KLHL29: variants seen among roughly 807,000 people sequenced by gnomAD.
KLHL29 encodes the protein kelch like family member 29, also known as kelch-like protein 29.
Under a neutral mutation model 80.4 loss-of-function variants are expected in KLHL29, and 21 were observed. The observed-to-expected ratio is 0.26, with a 90% CI of 0.19 to 0.38. The LOEUF (loss-of-function observed/expected upper bound fraction) is 0.38, where lower values mean the gene tolerates loss of function less well. Ranked by LOEUF, KLHL29 falls within the 10% of genes least tolerant of loss-of-function variation. The pLI, the probability that KLHL29 is intolerant of heterozygous loss-of-function variation, is 1.00. For synonymous variants in KLHL29, 511 were observed against 526.8 expected (o/e 0.97, Z 0.41); for missense variants, 867 against 1,223.9 (o/e 0.71, Z 4.35).
intron 2 of KLHL29, among the ~76,000 whole-genome samples, chr2:23,522,585 C>T (rs1317678187): frequency 6.6e-6 from 1 of 151,336 alleles, no homozygotes; most frequent in Non-Finnish European, 1.5e-5. Flanking sequence ...AAGCTTTTTG[C>T]AGGTTGGAGA....
Position 23,647,953 on chromosome 2 carries a change from C to T in KLHL29, c.940+5103C>T, listed in dbSNP as rs895005301. ...CCAGCACTCAGAGATGCCCCAGAAGCGTCTGATGAATGTGGGCACAAAGCA... is the reference window on the plus strand; with the variant it reads ...CCAGCACTCAGAGATGCCCCAGAAGTGTCTGATGAATGTGGGCACAAAGCA... On this transcript the variant is annotated intron_variant, in intron 5 of 13. Transcript: ENST00000486442. This position sits in a 1 kb window ranked among gnomAD's most constrained non-coding sequence, Gnocchi z 4.9. Among the ~76,000 whole-genome samples the T allele has an allele frequency of 6.6e-6, 1 of 152,126 alleles. No homozygotes were observed. Among genetic ancestry groups the T allele is most frequent in the Non-Finnish European group, 1.5e-5 (1 of 68,036 alleles).
At chr2:23,690,197 C>G (rs1294408954) in intron 6 of KLHL29, 1 of 152,246 alleles carries the variant, frequency 6.6e-6, no homozygotes, top group Non-Finnish European at 1.5e-5. Flanking sequence ...GGTGGAATTT[C>G]AGGTACTGCC....
chr2:23,400,593 C>T (rs901421872), intron 1 of KLHL29, among the ~76,000 whole-genome samples: 8 of 152,016 alleles, frequency 5.3e-5, no homozygotes, highest in Admixed American at 4.6e-4. Context: ...CTTTGGGAGG[C>T]CAAGGTGGGA....
Position 23,695,891 on chromosome 2 carries a change from A to G in KLHL29, c.1742-60A>G, listed in dbSNP as rs1671921693. Reference sequence around the variant, plus strand: ...GGCTCAGTGGTTCCAGTGAGGTGCCAGGCACAGATGCCGACAGTCTTAGAG... The same window carrying G: ...GGCTCAGTGGTTCCAGTGAGGTGCCGGGCACAGATGCCGACAGTCTTAGAG... On this transcript the variant is annotated intron_variant, in intron 9 of 13. Coordinates refer to ENST00000486442, the MANE Select transcript of KLHL29 (RefSeq NM_052920.2). This position sits in a 1 kb window ranked among gnomAD's most constrained non-coding sequence, Gnocchi z 7.6. 3 of 1,535,782 alleles carry G rather than the reference A, an allele frequency of 2.0e-6. No individual in the cohort carries two copies. The African/African-American group carries it at 4.1e-5, about 21-fold the overall frequency.
Position 23,455,002 on chromosome 2 carries a change from G to GC in KLHL29, c.-153-20558_-153-20557insC, listed in dbSNP as rs573069551. 1.7e-3 allele frequency among the ~76,000 whole-genome samples: 37 copies of GC among 21,326 alleles called. No individual in the cohort carries two copies. In the South Asian group the frequency reaches 0.037, roughly 21 times the overall value. The allele number at this position is 21,326 out of a possible 152,430, so 14.0% of individuals were successfully genotyped here. ...CTCGTAGAAACAGGAACAGTGGGTT[G>GC]GGGGGGGGGCATTTATTTCTCTCGC... On this transcript the variant is annotated intron_variant, in intron 1 of 13. Transcript: ENST00000486442.
rs1671174269 is a variant in KLHL29 at position 23,684,250 on chromosome 2, CT to C, written c.941-148del. 4.0e-6 allele frequency: 2 copies of C among 496,250 alleles called. No homozygotes were observed. Among genetic ancestry groups the C allele is most frequent in the Admixed American group, 8.3e-5 (2 of 24,064 alleles). The allele number at this position is 496,250 out of a possible 1,614,324, so 30.7% of individuals were successfully genotyped here. The stretch of plus-strand genomic sequence containing the variant: ...GCATTATGTTTGTGACTTCTTTTGA[CT>C]GTCAGTGTTGAGCCAGTCTTGCCAA... On this transcript the variant is annotated intron_variant, in intron 5 of 13. Coordinates refer to ENST00000486442, the MANE Select transcript of KLHL29 (RefSeq NM_052920.2). This position sits in a 1 kb window ranked among gnomAD's most constrained non-coding sequence, Gnocchi z 4.4.
intron 3 of KLHL29, among the ~76,000 whole-genome samples, chr2:23,609,231 A>T (rs1318355284): frequency 6.6e-6 from 1 of 152,226 alleles, no homozygotes; most frequent in Non-Finnish European, 1.5e-5. Context: ...ATGGCATTAC[A>T]GCCAGGAGGG....
Position 23,474,358 on chromosome 2 carries a change from G to C in KLHL29, c.-153-1202G>C, listed in dbSNP as rs151037337. ...TGTTCACCAGCACTTATCTGCCAAGGATCTTTCCCAGAATACATCGATCAC... is the reference window on the plus strand; with the variant it reads ...TGTTCACCAGCACTTATCTGCCAAGCATCTTTCCCAGAATACATCGATCAC... On this transcript the variant is annotated intron_variant, in intron 1 of 13. Coordinates refer to ENST00000486442, the MANE Select transcript of KLHL29 (RefSeq NM_052920.2). Among the ~76,000 whole-genome samples the C allele has an allele frequency of 3.9e-5, 6 of 152,270 alleles. No individual in the cohort carries two copies. In the East Asian group the frequency reaches 1.2e-3, roughly 29 times the overall value.
In KLHL29 at chr2:23,701,792, GCTTT is replaced by G. The variant is rs1672392370; in HGVS notation, c.2106-1393_2106-1390del. Among the ~76,000 whole-genome samples the G allele has an allele frequency of 8.5e-5, 3 of 35,236 alleles. 1 individual carries two copies. Among genetic ancestry groups the G allele is most frequent in the African/African-American group, 1.7e-4 (2 of 11,714 alleles). 23.1% of individuals were successfully genotyped at this position (35,236 alleles called of 152,430 possible). A position where few individuals can be genotyped will look rare whatever the true frequency, so the allele number is the denominator to read the frequency against. Reference sequence around the variant, plus strand: ...AGCTTCGCACACATGGCTTTTTTTTGCTTTTTTTTTTTTTTTTTTTTTTTTTTCA... The same window carrying G: ...AGCTTCGCACACATGGCTTTTTTTTGTTTTTTTTTTTTTTTTTTTTTTTCA... On this transcript the variant is annotated intron_variant, in intron 11 of 13. Coordinates refer to ENST00000486442, the MANE Select transcript of KLHL29 (RefSeq NM_052920.2).
intron 2 of KLHL29, among the ~76,000 whole-genome samples, chr2:23,525,729 C>CCCT (rs1666288299): frequency 1.8e-5 from 1 of 54,780 alleles, no homozygotes; most frequent in South Asian, 7.9e-4. Flanking sequence ...AGCCCCTGCC[C>CCCT]CCCCCCCCCA....
At chr2:23,481,203 G>GT (rs1206289914) in intron 2 of KLHL29, among the ~76,000 whole-genome samples, 1 of 152,238 alleles carries the variant, frequency 6.6e-6, no homozygotes, top group Non-Finnish European at 1.5e-5. Context: ...GTTCTGATGG[G>GT]TGTGGCCAAG....
At chr2:23,468,582 A>T (rs949170278) in intron 1 of KLHL29, among the ~76,000 whole-genome samples, 1 of 152,152 alleles carries the variant, frequency 6.6e-6, no homozygotes, top group Non-Finnish European at 1.5e-5. Flanking sequence ...ATATCTGTGG[A>T]CCAGACTGGC....
chr2:23,394,407 G>C (rs1239699536), intron 1 of KLHL29, among the ~76,000 whole-genome samples: 3 of 152,140 alleles, frequency 2.0e-5, no homozygotes, highest in Admixed American at 1.3e-4. Context: ...TCTCATTTTT[G>C]CTCACCCTGT....
chr2:23,566,863 T>C (rs1269344367), intron 3 of KLHL29, among the ~76,000 whole-genome samples: 1 of 152,234 alleles, frequency 6.6e-6, no homozygotes, highest in Non-Finnish European at 1.5e-5. Context: ...TTTAGAAAGA[T>C]AAACCATTGA....
At chr2:23,561,860 G>A (rs1049064589) in intron 2 of KLHL29, among the ~76,000 whole-genome samples, 2 of 152,148 alleles carry the variant, frequency 1.3e-5, no homozygotes, top group African/African-American at 4.8e-5. Flanking sequence ...ATGCACATTT[G>A]TGTCATTCAG....
chr2:23,666,288 G>A (rs1231498054), intron 5 of KLHL29, among the ~76,000 whole-genome samples: 1 of 152,172 alleles, frequency 6.6e-6, no homozygotes, highest in East Asian at 1.9e-4. Context: ...CCTAAGACAA[G>A]CTGAGCGAGG....
chr2:23,546,071 C>T (rs1457034363), intron 2 of KLHL29, among the ~76,000 whole-genome samples: 1 of 152,256 alleles, frequency 6.6e-6, no homozygotes, highest in Non-Finnish European at 1.5e-5. Flanking sequence ...GGGCCTGCTG[C>T]AGCTGAGATC....
intron 2 of KLHL29, among the ~76,000 whole-genome samples, chr2:23,491,765 G>A (rs766019980): frequency 7.9e-5 from 12 of 152,080 alleles, no homozygotes; most frequent in African/African-American, 1.7e-4. Flanking sequence ...TCCAGATGCC[G>A]CTCAGGTGCC....
At chr2:23,583,948 C>T (rs1668049258) in intron 3 of KLHL29, among the ~76,000 whole-genome samples, 1 of 152,218 alleles carries the variant, frequency 6.6e-6, no homozygotes, top group Non-Finnish European at 1.5e-5. Flanking sequence ...GACTCGGACA[C>T]TCCTTCCCGT....
Sources: gnomAD v4.1 joint callset for allele counts (sites outside exome capture counted in the v4.1 genomes callset) on GRCh38, gnomAD v4.1.1 for gene constraint, Gnocchi (gnomAD v3.1) non-coding constraint, MANE v1.5 for transcripts, NCBI Gene and HGNC (gene_info 2026-07-23, HGNC 2026-07-21) for gene names.